The following CRB1 variants were observed in gnomAD, a reference collection of about 807,000 sequenced individuals.
CRB1 encodes crumbs cell polarity complex component 1, also known as protein crumbs homolog 1.
A neutral mutation model predicts 120.0 loss-of-function variants in CRB1; 83 were observed. That is an observed-to-expected ratio of 0.69 (90% CI 0.58 to 0.83). CRB1 has a LOEUF of 0.83. CRB1 is among the 40% of genes least tolerant of loss of function. CRB1 has a pLI of 0.00. For synonymous variants in CRB1, 625 were observed against 612.5 expected (o/e 1.02, Z -0.30); for missense variants, 1,699 against 1,687.6 (o/e 1.01, Z -0.12).
intron 5 of CRB1, among the ~76,000 whole-genome samples, chr1:197,382,424 A>T (rs2821104): frequency 0.83 from 126,422 of 152,144 alleles, 52,853 homozygotes; most frequent in African/African-American, 0.92. Context: ...ATGAATTCAG[A>T]GAAAAACTCT....
rs1030616952 is a variant in CRB1, at chr1:197,328,443, A to C, written c.92A>C (p.Asn31Thr). The C allele has an allele frequency of 1.2e-6, 2 of 1,613,774 alleles. No homozygotes were observed. Among genetic ancestry groups the C allele is most frequent in the Non-Finnish European group, 1.7e-6 (2 of 1,179,780 alleles). ...YIKNSFCNKN[N>T]TRCLSNSCQN... ...GTAGATTCCTTTTGCAATAAAAACA[A>C]CACCAGGTGCCTCTCAAATTCTTGC... is the stretch of plus-strand genomic sequence containing the variant. Residue 31 changes from asparagine to threonine, a missense_variant, in exon 2 of 12, where the codon AAC becomes ACC. Coordinates refer to ENST00000367400, the MANE Select transcript of CRB1 (RefSeq NM_201253.3).
At chr1:197,473,853 C>CG (rs1667089198) in intron 11 of CRB1, among the ~76,000 whole-genome samples, 1 of 117,656 alleles carries the variant, frequency 8.5e-6, no homozygotes, top group African/African-American at 2.9e-5. Flanking sequence ...AATAGTGGAG[C>CG]AAAAAAAAAA....
chr1:197,328,339 G>A (rs1404143917), intron 1 of CRB1, 83 bp from the exon 2 acceptor site: 2 of 1,120,182 alleles, frequency 1.8e-6, no homozygotes, highest in African/African-American at 1.6e-5. Flanking sequence ...GTTTGGTTGA[G>A]GCAGCACAAA....
intron 1 of CRB1, among the ~76,000 whole-genome samples, chr1:197,280,884 A>C (rs574331193): frequency 1.3e-5 from 2 of 151,958 alleles, no homozygotes; most frequent in South Asian, 4.2e-4. Flanking sequence ...ATATTTTATA[A>C]AGTACATTGG....
chr1:197,370,822 A>G (rs1399656495), intron 5 of CRB1, among the ~76,000 whole-genome samples: 1 of 152,000 alleles, frequency 6.6e-6, no homozygotes, highest in African/African-American at 2.4e-5. Context: ...GATTACCTTA[A>G]TATCTTACTC....
chr1:197,221,700 A>T, the CRB1 span, among the ~76,000 whole-genome samples: 3 of 149,368 alleles, frequency 2.0e-5, no homozygotes, highest in Non-Finnish European at 4.4e-5. Context: ...GACTTTAGTT[A>T]AAAAAAAATA....
the CRB1 span, among the ~76,000 whole-genome samples, chr1:197,203,676 A>G: frequency 6.6e-6 from 1 of 152,224 alleles, no homozygotes; most frequent in Non-Finnish European, 1.5e-5. Flanking sequence ...CATAAGTAAG[A>G]AATAGAATGT....
chr1:197,359,251 C>T (rs1660650457), intron 5 of CRB1, among the ~76,000 whole-genome samples: 1 of 152,116 alleles, frequency 6.6e-6, no homozygotes, highest in Non-Finnish European at 1.5e-5. Context: ...ATCCCTTATC[C>T]CTGGCAAATA....
chr1:197,311,663 CAAGTT>C (rs1434760377), intron 1 of CRB1, among the ~76,000 whole-genome samples: 9 of 149,874 alleles, frequency 6.0e-5, no homozygotes, highest in Non-Finnish European at 1.2e-4. Context: ...TTACCACAAT[CAAGTT>C]AGTTAACACA....
At chr1:197,364,671 G>A (rs904620123) in intron 5 of CRB1, among the ~76,000 whole-genome samples, 2 of 151,618 alleles carry the variant, frequency 1.3e-5, no homozygotes, top group Admixed American at 6.6e-5. Flanking sequence ...CTCCCATCTA[G>A]TATTGAGCCC....
chr1:197,294,059 A>G (rs1169172246), intron 1 of CRB1, among the ~76,000 whole-genome samples: 2 of 152,222 alleles, frequency 1.3e-5, no homozygotes, highest in African/African-American at 2.4e-5. Flanking sequence ...CAAAATTGAC[A>G]AATGGGATCT....
intron 4 of CRB1, among the ~76,000 whole-genome samples, chr1:197,349,628 C>A (rs958742966): frequency 1.3e-5 from 2 of 152,058 alleles, no homozygotes; most frequent in South Asian, 2.1e-4. Context: ...TGAAAGATAT[C>A]CTATTGCCTA....
At chr1:197,222,309 A>G in the CRB1 span, 1 of 687,768 alleles carries the variant, frequency 1.5e-6, no homozygotes, top group Non-Finnish European at 2.8e-6. Flanking sequence ...CAGAAATGGA[A>G]ATTGGCCTAT....
chr1:197,221,637 A>G, the CRB1 span, among the ~76,000 whole-genome samples: 9 of 152,216 alleles, frequency 5.9e-5, no homozygotes, highest in African/African-American at 2.2e-4. Flanking sequence ...TAGCTGTGGG[A>G]TATGCCTTCA....
At chr1:197,271,185 C>A (rs1387237878) in intron 1 of CRB1, among the ~76,000 whole-genome samples, 2 of 152,040 alleles carry the variant, frequency 1.3e-5, no homozygotes, top group African/African-American at 4.8e-5. Flanking sequence ...GTAAAAAGGG[C>A]TACACCCTGT....
chr1:197,330,888 T>G (rs1035968891), intron 2 of CRB1, among the ~76,000 whole-genome samples: 5 of 152,280 alleles, frequency 3.3e-5, no homozygotes, highest in Non-Finnish European at 7.4e-5. Context: ...AGATGTCAGT[T>G]AGTGGATTAA....
chr1:197,458,883 A>G (rs1666401102), intron 11 of CRB1, among the ~76,000 whole-genome samples: 1 of 152,160 alleles, frequency 6.6e-6, no homozygotes, highest in Non-Finnish European at 1.5e-5. Flanking sequence ...ACTGAGTAAA[A>G]GCACAGTATA....
At chr1:197,428,748 A>G (rs948483585) in intron 7 of CRB1, among the ~76,000 whole-genome samples, 1 of 152,236 alleles carries the variant, frequency 6.6e-6, no homozygotes, top group Non-Finnish European at 1.5e-5. Flanking sequence ...TTGAAGGACT[A>G]CTGTGGAAAG....
intron 2 of CRB1, among the ~76,000 whole-genome samples, chr1:197,338,807 A>C (rs1659297455): frequency 6.6e-6 from 1 of 152,214 alleles, no homozygotes; most frequent in South Asian, 2.1e-4. Context: ...AATATTTATA[A>C]AGACAAATTT....
Sources: allele counts gnomAD v4.1 joint callset (sites outside exome capture counted in the v4.1 genomes callset), GRCh38; gene constraint gnomAD v4.1.1; transcripts MANE v1.5; gene names NCBI Gene and HGNC (gene_info 2026-07-23, HGNC 2026-07-21).